SRGAP3: variants seen among roughly 807,000 people sequenced by gnomAD.
SRGAP3 encodes the protein SLIT-ROBO Rho GTPase activating protein 3, also known as SLIT-ROBO Rho GTPase-activating protein 3.
A neutral mutation model predicts 121.1 loss-of-function variants in SRGAP3; 39 were observed. That is an observed-to-expected ratio of 0.32 (90% CI 0.25 to 0.42). The LOEUF (loss-of-function observed/expected upper bound fraction) is 0.42. Among genes scored for constraint, SRGAP3 ranks in the 10% least tolerant of loss-of-function variants. The pLI is 1.00. For synonymous variants in SRGAP3, 601 were observed against 570.0 expected (o/e 1.05, Z -0.77); for missense variants, 1,213 against 1,470.6 (o/e 0.82, Z 2.86).
At chr3:9,015,778 TCAGAGAACGTGCAGATGGC>T in intron 14 of SRGAP3, 47 bp from the exon 15 acceptor site, 1 of 1,611,494 alleles carries the variant, frequency 6.2e-7, no homozygotes, top group African/African-American at 1.3e-5. Flanking sequence ...TGGGAAGGAG[TCAGAGAACGTGCAGATGGC>T]CGAAGAGATG....
At chr3:9,107,962 G>A (rs76893678) in intron 2 of SRGAP3, among the ~76,000 whole-genome samples, 9,396 of 152,288 alleles carry the variant, frequency 0.062, 568 homozygotes, top group East Asian at 0.31. Flanking sequence ...TTTCCAAATG[G>A]TCAGAAGTCA....
chr3:9,075,717 T>C (rs1946945349), intron 4 of SRGAP3, among the ~76,000 whole-genome samples: 2 of 152,246 alleles, frequency 1.3e-5, no homozygotes, highest in South Asian at 4.2e-4. Context: ...AAAGTGGAGT[T>C]TACTGGAAAA....
chr3:9,264,555 C>T (rs532337338), intron 3 of SRGAP3, among the ~76,000 whole-genome samples: 1 of 152,282 alleles, frequency 6.6e-6, no homozygotes, highest in African/African-American at 2.4e-5. Flanking sequence ...GCAAAAATCA[C>T]AAGCATTCCT....
Position 8,990,755 on chromosome 3 carries a change from G to A in SRGAP3, c.2643C>T (p.Pro881=), listed in dbSNP as rs770717689. 15 of 1,608,238 alleles carry A rather than the reference G, an allele frequency of 9.3e-6. No individual in the cohort carries two copies. Among genetic ancestry groups the A allele is most frequent in the Non-Finnish European group, 1.3e-5 (15 of 1,177,528 alleles). Residue 881 remains proline, a synonymous_variant, in exon 21 of 22, where the codon CCC becomes CCT. Transcript: ENST00000383836. The part of the protein sequence containing the change: ...DTHSPPRGLG[P]SIDTPPRAAA... ...CAGCCCGGGGTGGTGTGTCTATGCT[G>A]GGGCCCAGGCCCCGGGGCGGGCTGT...
intron 3 of SRGAP3, among the ~76,000 whole-genome samples, chr3:9,294,559 A>C (rs993656924): frequency 1.3e-5 from 2 of 151,548 alleles, no homozygotes; most frequent in African/African-American, 4.8e-5. Flanking sequence ...ACAAAAAAAA[A>C]CACCAATTCT....
intron 12 of SRGAP3, among the ~76,000 whole-genome samples, chr3:9,029,876 G>A (rs1430696171): frequency 2.6e-5 from 4 of 151,960 alleles, no homozygotes; most frequent in Admixed American, 6.6e-5. Context: ...GTGCAGTGGC[G>A]CATGCCTGTA....
At chr3:9,094,329 T>C (rs909389369) in intron 3 of SRGAP3, among the ~76,000 whole-genome samples, 1 of 152,234 alleles carries the variant, frequency 6.6e-6, no homozygotes, top group Admixed American at 6.5e-5. Flanking sequence ...TTGTATAAGA[T>C]TCCATGGTGC....
chr3:9,269,516 G>A (rs926409691), intron 3 of SRGAP3, among the ~76,000 whole-genome samples: 3 of 152,202 alleles, frequency 2.0e-5, no homozygotes, highest in African/African-American at 7.2e-5. Context: ...CCAGCCTTCT[G>A]TGTTATTTGC....
rs760097709 is a variant in SRGAP3 at position 8,993,060 on chromosome 3, G to A, written c.2409-5C>T. On this transcript the variant is annotated splice_polypyrimidine_tract_variant and splice_region_variant and intron_variant, in intron 19 of 21. Coordinates refer to ENST00000383836, the MANE Select transcript of SRGAP3 (RefSeq NM_014850.4). ...CTGTCGGAGAAGGCATCATCCCTGG[G>A]GAGAAGACAGACATGAATTGGAGGC... The A allele has an allele frequency of 8.1e-6, 13 of 1,613,780 alleles. No homozygotes were observed. The Admixed American group carries it at 2.0e-4, about 25-fold the overall frequency.
At chr3:9,113,016 T>C (rs1365616575) in intron 2 of SRGAP3, among the ~76,000 whole-genome samples, 2 of 152,152 alleles carry the variant, frequency 1.3e-5, no homozygotes, top group Non-Finnish European at 2.9e-5. Flanking sequence ...GAAGCCCTCA[T>C]GGGCACGGGC....
chr3:9,287,436 G>A (rs920769552), intron 3 of SRGAP3, among the ~76,000 whole-genome samples: 1 of 152,074 alleles, frequency 6.6e-6, no homozygotes, highest in Non-Finnish European at 1.5e-5. Context: ...TCCACTTCCT[G>A]GTGAATAATA....
chr3:9,045,044 A>G (rs1488675813), intron 10 of SRGAP3, among the ~76,000 whole-genome samples: 1 of 152,222 alleles, frequency 6.6e-6, no homozygotes, highest in Admixed American at 6.5e-5. Flanking sequence ...ATAATAATGT[A>G]CCATATTCAT....
chr3:9,074,300 G>A (rs181061915), intron 4 of SRGAP3, among the ~76,000 whole-genome samples: 1 of 152,234 alleles, frequency 6.6e-6, no homozygotes, highest in Admixed American at 6.5e-5. Flanking sequence ...GGTTTGCTAG[G>A]CACTGGGCTA....
At chr3:9,345,548 C>T (rs763849244) in intron 1 of SRGAP3, among the ~76,000 whole-genome samples, 5 of 150,512 alleles carry the variant, frequency 3.3e-5, no homozygotes, top group African/African-American at 9.8e-5. Flanking sequence ...TTTGGGAGGC[C>T]GAGGAAGGTG....
intron 2 of SRGAP3, among the ~76,000 whole-genome samples, chr3:9,110,543 G>A (rs529537401): frequency 7.9e-5 from 12 of 152,368 alleles, no homozygotes; most frequent in African/African-American, 2.4e-4. Flanking sequence ...GCCAAGCCGC[G>A]GTGGCGCCTC....
chr3:9,205,427 C>T (rs972287732), intron 1 of SRGAP3, among the ~76,000 whole-genome samples: 6 of 152,218 alleles, frequency 3.9e-5, no homozygotes, highest in Admixed American at 3.9e-4. Context: ...CCACATGTGG[C>T]TTGGTGGCTA....
chr3:9,335,168 T>C (rs925234031), intron 1 of SRGAP3, among the ~76,000 whole-genome samples: 1 of 152,224 alleles, frequency 6.6e-6, no homozygotes, highest in Non-Finnish European at 1.5e-5. Context: ...GGCTCACTCA[T>C]ATGGTCCCAT....
At chr3:9,129,544 G>C (rs1454632267) in intron 1 of SRGAP3, among the ~76,000 whole-genome samples, 2 of 151,172 alleles carry the variant, frequency 1.3e-5, no homozygotes, top group African/African-American at 4.9e-5. Flanking sequence ...AGGAAGGCCT[G>C]GGCTGCCAGC....
At chr3:9,154,395 G>A (rs996442199) in intron 1 of SRGAP3, among the ~76,000 whole-genome samples, 1 of 152,138 alleles carries the variant, frequency 6.6e-6, no homozygotes, top group Admixed American at 6.5e-5. Context: ...GATACAGGAT[G>A]AGACTCAAAT....
Sources: allele counts gnomAD v4.1 joint callset (sites outside exome capture counted in the v4.1 genomes callset), GRCh38; gene constraint gnomAD v4.1.1; transcripts MANE v1.5; gene names NCBI Gene and HGNC (gene_info 2026-07-23, HGNC 2026-07-21).